ELAPOR2: variants seen among roughly 807,000 people sequenced by gnomAD.
ELAPOR2 encodes endosome/lysosome-associated apoptosis and autophagy regulator family member 2.
ELAPOR2 carries 89 observed loss-of-function variants against 120.7 expected under a neutral mutation model. The ratio of observed to expected loss-of-function variants is 0.74; its 90% CI spans 0.62 to 0.88. The LOEUF is 0.88. ELAPOR2 is among the 40% of genes least tolerant of loss of function. ELAPOR2 has a pLI of 0.00. For synonymous variants in ELAPOR2, 444 were observed against 444.9 expected (o/e 1.00, Z 0.03); for missense variants, 1,134 against 1,251.6 (o/e 0.91, Z 1.42).
chr7:86,957,633 G>A (rs1229137117), intron 2 of ELAPOR2, among the ~76,000 whole-genome samples: 1 of 152,110 alleles, frequency 6.6e-6, no homozygotes, highest in South Asian at 2.1e-4. Context: ...TTGCATATGA[G>A]GATATAGCAA....
At chr7:87,001,771 G>A (rs1385260326) in intron 1 of ELAPOR2, among the ~76,000 whole-genome samples, 1 of 152,078 alleles carries the variant, frequency 6.6e-6, no homozygotes, top group African/African-American at 2.4e-5. Flanking sequence ...GAACAGCAGA[G>A]GATCATATCA....
At chr7:86,907,836 G>A in intron 17 of ELAPOR2, 65 bp from the exon 18 acceptor site, 1 of 793,206 alleles carries the variant, frequency 1.3e-6, no homozygotes, top group Non-Finnish European at 1.9e-6. Context: ...ACAAAAATAT[G>A]GGAATAATTG....
chr7:86,996,786 C>A (rs1634999), intron 1 of ELAPOR2, among the ~76,000 whole-genome samples: 18 of 151,732 alleles, frequency 1.2e-4, no homozygotes, highest in Non-Finnish European at 2.2e-4. Context: ...TAGGAAACCC[C>A]TTACGCCATG....
chr7:87,041,332 T>G (rs938553467), intron 1 of ELAPOR2, among the ~76,000 whole-genome samples: 1 of 151,530 alleles, frequency 6.6e-6, no homozygotes, highest in African/African-American at 2.4e-5. Context: ...AAAGTTGAAA[T>G]GAAGGAAAAA....
intron 1 of ELAPOR2, among the ~76,000 whole-genome samples, chr7:86,989,912 A>G (rs1792885212): frequency 6.6e-6 from 1 of 152,112 alleles, no homozygotes; most frequent in Non-Finnish European, 1.5e-5. Flanking sequence ...TTTTGGTCAA[A>G]TAGTACCCTA....
At chr7:87,048,030 G>A (rs970413323) in intron 1 of ELAPOR2, among the ~76,000 whole-genome samples, 2 of 152,118 alleles carry the variant, frequency 1.3e-5, no homozygotes, top group African/African-American at 4.8e-5. Context: ...CGGATCACAA[G>A]GTCAAGAGAT....
intron 1 of ELAPOR2, among the ~76,000 whole-genome samples, chr7:87,001,003 T>G (rs1793298915): frequency 6.6e-6 from 1 of 152,152 alleles, no homozygotes; most frequent in Non-Finnish European, 1.5e-5. Context: ...GAAAATTAAA[T>G]AAGATCATGT....
intron 1 of ELAPOR2, among the ~76,000 whole-genome samples, chr7:87,055,407 G>A (rs577333639): frequency 6.6e-6 from 1 of 152,302 alleles, no homozygotes; most frequent in South Asian, 2.1e-4. Flanking sequence ...GCTTCTTAGT[G>A]TGATATAAGG....
chr7:86,880,876 A>G (rs1380787449), intron 21 of ELAPOR2, among the ~76,000 whole-genome samples: 3 of 151,912 alleles, frequency 2.0e-5, no homozygotes, highest in Admixed American at 6.6e-5. Context: ...TGACCTAGCC[A>G]TGCTAATTGT....
At chr7:86,959,079 G>A (rs1203081812) in intron 2 of ELAPOR2, among the ~76,000 whole-genome samples, 1 of 152,158 alleles carries the variant, frequency 6.6e-6, no homozygotes, top group Non-Finnish European at 1.5e-5. Context: ...TATTTTTGAT[G>A]CTATTATACA....
intron 1 of ELAPOR2, among the ~76,000 whole-genome samples, chr7:86,993,239 AAAAAAAAAAAAG>A (rs2116604911): frequency 6.7e-6 from 1 of 149,696 alleles, no homozygotes; most frequent in Non-Finnish European, 1.5e-5. Context: ...CATCTCAAAA[AAAAAAAAAAAAG>A]AAAAAGAAAA....
At chr7:86,978,027 CA>C (rs1792337881) in intron 1 of ELAPOR2, among the ~76,000 whole-genome samples, 1 of 152,134 alleles carries the variant, frequency 6.6e-6, no homozygotes, top group African/African-American at 2.4e-5. Context: ...TCTGTGTCCC[CA>C]CTCAAATTTT....
At chr7:87,047,876 G>A (rs188828197) in intron 1 of ELAPOR2, among the ~76,000 whole-genome samples, 22 of 152,292 alleles carry the variant, frequency 1.4e-4, no homozygotes, top group Non-Finnish European at 2.5e-4. Context: ...GCATTGTGAC[G>A]TTTGTTGCAC....
intron 2 of ELAPOR2, among the ~76,000 whole-genome samples, chr7:86,955,240 A>G (rs1217331183): frequency 6.6e-6 from 1 of 152,160 alleles, no homozygotes; most frequent in African/African-American, 2.4e-5. Flanking sequence ...AAAGTAATCT[A>G]TAATTCTCAT....
chr7:86,982,888 C>A (rs1411782707), intron 1 of ELAPOR2, among the ~76,000 whole-genome samples: 11 of 140,270 alleles, frequency 7.8e-5, no homozygotes, highest in Non-Finnish European at 1.4e-4. Flanking sequence ...CCAAACTTCT[C>A]CGAGCTAAAG....
intron 1 of ELAPOR2, among the ~76,000 whole-genome samples, chr7:86,974,273 C>A (rs1463611311): frequency 6.6e-6 from 1 of 152,092 alleles, no homozygotes; most frequent in African/African-American, 2.4e-5. Flanking sequence ...ATTTAATAAG[C>A]ACCAAGAGAA....
rs1263562143 is a variant in ELAPOR2, at chr7:86,965,072, G to A, written c.190-48C>T. Reference sequence around the variant, plus strand: ...GCCTTTGTTAGAGCCAGTTCTAACGGGACAACTGTGCTTTCTCTATCACCC... The same window carrying A: ...GCCTTTGTTAGAGCCAGTTCTAACGAGACAACTGTGCTTTCTCTATCACCC... On this transcript the variant is annotated intron_variant, in intron 1 of 21. Coordinates refer to ENST00000450689, the MANE Select transcript of ELAPOR2 (RefSeq NM_001142749.3). 33 of 1,544,400 alleles carry A rather than the reference G, an allele frequency of 2.1e-5. No homozygotes were observed. In the Admixed American group the frequency reaches 6.5e-4, roughly 30 times the overall value.
chr7:86,895,845 A>G (rs1788412079), intron 19 of ELAPOR2, among the ~76,000 whole-genome samples: 1 of 152,138 alleles, frequency 6.6e-6, no homozygotes, highest in Non-Finnish European at 1.5e-5. Context: ...ATTTACTCTA[A>G]AAAACAATTA....
chr7:87,052,776 C>CTTTTGTTTTGTTTTGTTTTG lies in ELAPOR2; in HGVS notation c.189+6529_189+6548dup, dbSNP rs77194595. ...ATATTCTGATCACAGGGTTTGTTTT[C>CTTTTGTTTTGTTTTGTTTTG]TTTTGTTTTGTTTTGTTTTGTTTTG... On this transcript the variant is annotated intron_variant, in intron 1 of 21. Coordinates refer to ENST00000450689, the MANE Select transcript of ELAPOR2 (RefSeq NM_001142749.3). Among the ~76,000 whole-genome samples the CTTTTGTTTTGTTTTGTTTTG allele has an allele frequency of 2.4e-3, 352 of 147,086 alleles. 2 individuals are homozygous for CTTTTGTTTTGTTTTGTTTTG. Among genetic ancestry groups the CTTTTGTTTTGTTTTGTTTTG allele is most frequent in the African/African-American group, 6.5e-3 (248 of 38,236 alleles).
Sources: gnomAD v4.1 joint callset for allele counts (sites outside exome capture counted in the v4.1 genomes callset) on GRCh38, gnomAD v4.1.1 for gene constraint, MANE v1.5 for transcripts, NCBI Gene and HGNC (gene_info 2026-07-23, HGNC 2026-07-21) for gene names.